PDE1C: variants seen among roughly 807,000 people sequenced by gnomAD.
PDE1C encodes the protein phosphodiesterase 1C, also known as dual specificity calcium/calmodulin-dependent 3',5'-cyclic nucleotide phosphodiesterase 1C.
PDE1C carries 62 observed loss-of-function variants against 93.1 expected under a neutral mutation model. The ratio of observed to expected loss-of-function variants is 0.67; its 90% CI spans 0.54 to 0.82. PDE1C has a LOEUF of 0.82. Among genes scored for constraint, PDE1C ranks in the 40% least tolerant of loss-of-function variants. The probability of loss-of-function intolerance (pLI) is 0.00; values close to 1 mark genes in which losing one functional copy is unlikely to be tolerated. For missense variants in PDE1C, 742 were observed against 884.6 expected (o/e 0.84, Z 2.04); for synonymous variants, 325 against 310.1 (o/e 1.05, Z -0.50).
chr7:32,296,139 A>T (rs1812599218), intron 1 of PDE1C, among the ~76,000 whole-genome samples: 1 of 152,208 alleles, frequency 6.6e-6, no homozygotes, highest in African/African-American at 2.4e-5. Flanking sequence ...AGAAATATTA[A>T]TATTTAGCAT....
At chr7:32,411,891 A>T (rs1174978423) in intron 1 of PDE1C, among the ~76,000 whole-genome samples, 1 of 150,590 alleles carries the variant, frequency 6.6e-6, no homozygotes, top group Non-Finnish European at 1.5e-5. Context: ...AAATATTTTA[A>T]TTTTTTTTTT....
At chr7:32,279,667 G>T (rs1811501314) in intron 1 of PDE1C, among the ~76,000 whole-genome samples, 1 of 151,578 alleles carries the variant, frequency 6.6e-6, no homozygotes, top group Non-Finnish European at 1.5e-5. Flanking sequence ...AAACATAAAG[G>T]AAAGAGCAAC....
intron 1 of PDE1C, among the ~76,000 whole-genome samples, chr7:32,341,173 C>CTATTTTTTATTTTTTTTT (rs796122014): frequency 0.048 from 4,072 of 84,700 alleles, 178 homozygotes; most frequent in East Asian, 0.08. Flanking sequence ...GAAATAAAGT[C>CTATTTTTTATTTTTTTTT]TTTTTTTTTT....
At chr7:32,298,631 G>A (rs1812781043) in intron 1 of PDE1C, 2 of 1,592,610 alleles carry the variant, frequency 1.3e-6, no homozygotes, top group Non-Finnish European at 1.7e-6. Flanking sequence ...AGGAGTCCGA[G>A]AGGGGTGGAA....
chr7:31,817,947 T>C (rs1788469461), intron 14 of PDE1C, among the ~76,000 whole-genome samples: 1 of 152,156 alleles, frequency 6.6e-6, no homozygotes, highest in Non-Finnish European at 1.5e-5. Flanking sequence ...CCTTAATATA[T>C]TATGTTTTCA....
At chr7:32,273,609 C>A (rs574108163) in intron 1 of PDE1C, among the ~76,000 whole-genome samples, 2 of 152,172 alleles carry the variant, frequency 1.3e-5, no homozygotes, top group Non-Finnish European at 2.9e-5. Context: ...GGTGGCAGGA[C>A]AGATGAGCAT....
At chr7:31,860,023 T>G (rs569419381) in intron 7 of PDE1C, among the ~76,000 whole-genome samples, 1 of 152,196 alleles carries the variant, frequency 6.6e-6, no homozygotes, top group African/African-American at 2.4e-5. Flanking sequence ...ATGAACCTGA[T>G]TGTATAGGCC....
intron 1 of PDE1C, among the ~76,000 whole-genome samples, chr7:32,062,634 C>A (rs1422272150): frequency 1.3e-5 from 2 of 152,208 alleles, no homozygotes; most frequent in Admixed American, 6.5e-5. Flanking sequence ...TATGTTTTCA[C>A]AGCTCCCTGT....
upstream of PDE1C, among the ~76,000 whole-genome samples, chr7:32,302,355 T>G (rs1478867611): frequency 6.6e-6 from 1 of 152,194 alleles, no homozygotes; most frequent in Non-Finnish European, 1.5e-5. Flanking sequence ...CCCTAATAAT[T>G]GTTTGATCCA....
chr7:31,814,313 CT>C (rs573045481), intron 15 of PDE1C, among the ~76,000 whole-genome samples: 1 of 151,838 alleles, frequency 6.6e-6, no homozygotes, highest in Non-Finnish European at 1.5e-5. Context: ...TTCTTTATAA[CT>C]TTTTTTTCCA....
chr7:31,916,766 AAATTATGAT>A (rs1801974931), intron 2 of PDE1C, among the ~76,000 whole-genome samples: 1 of 152,166 alleles, frequency 6.6e-6, no homozygotes, highest in Non-Finnish European at 1.5e-5. Context: ...AGTTTATATT[AAATTATGAT>A]AAGTGTGAAG....
At chr7:32,289,104 G>A (rs1466661206) in intron 1 of PDE1C, among the ~76,000 whole-genome samples, 1 of 152,086 alleles carries the variant, frequency 6.6e-6, no homozygotes, top group Non-Finnish European at 1.5e-5. Flanking sequence ...GATTCAGAAA[G>A]GTAAAAAAAG....
the PDE1C span, among the ~76,000 whole-genome samples, chr7:31,718,581 C>T: frequency 6.6e-6 from 1 of 152,178 alleles, no homozygotes; most frequent in Non-Finnish European, 1.5e-5. Context: ...CTGTTGGTTT[C>T]TCTTTGGGGA....
the PDE1C span, chr7:31,652,721 G>A: frequency 5.0e-6 from 8 of 1,613,920 alleles, no homozygotes; most frequent in Middle Eastern, 1.7e-4. Flanking sequence ...CACCCACCTT[G>A]GAGAACAGCA....
intron 1 of PDE1C, among the ~76,000 whole-genome samples, chr7:32,261,884 A>T (rs1005007144): frequency 2.6e-5 from 4 of 152,154 alleles, no homozygotes; most frequent in African/African-American, 9.7e-5. Context: ...TATTGTTCTT[A>T]AGGAGAAAAA....
intron 2 of PDE1C, among the ~76,000 whole-genome samples, chr7:31,898,752 C>T (rs1454500426): frequency 2.6e-5 from 4 of 152,170 alleles, no homozygotes; most frequent in Admixed American, 2.6e-4. Flanking sequence ...TCCAGCAGAA[C>T]GTGAGCGTGG....
chr7:31,650,450 G>T, the PDE1C span, among the ~76,000 whole-genome samples: 21 of 152,158 alleles, frequency 1.4e-4, no homozygotes, highest in African/African-American at 4.8e-4. Flanking sequence ...CAAGGCAAAG[G>T]CACAGCCTGA....
At chr7:32,305,857 TG>T (rs1391177782) in intron 1 of PDE1C, among the ~76,000 whole-genome samples, 1 of 152,244 alleles carries the variant, frequency 6.6e-6, no homozygotes, top group African/African-American at 2.4e-5. Context: ...GAGCAGGGCC[TG>T]GGCTGAATGC....
intron 2 of PDE1C, among the ~76,000 whole-genome samples, chr7:31,910,620 A>T (rs1335715251): frequency 3.3e-5 from 5 of 152,206 alleles, no homozygotes; most frequent in African/African-American, 1.2e-4. Context: ...ATCTGTTCTC[A>T]CGAGCCTGTA....
Sources: gnomAD v4.1 joint callset for allele counts (sites outside exome capture counted in the v4.1 genomes callset) on GRCh38, gnomAD v4.1.1 for gene constraint, MANE v1.5 for transcripts, NCBI Gene and HGNC (gene_info 2026-07-23, HGNC 2026-07-21) for gene names.